The following LRRC49 variants were observed in gnomAD, a reference collection of about 807,000 sequenced individuals.
The protein encoded by LRRC49 is leucine-rich repeat-containing protein 49.
A neutral mutation model predicts 83.3 loss-of-function variants in LRRC49; 50 were observed. That is an observed-to-expected ratio of 0.60 (90% CI 0.48 to 0.76). The LOEUF is 0.76. Ranked by LOEUF, LRRC49 falls within the 30% of genes least tolerant of loss-of-function variation. The probability of loss-of-function intolerance (pLI) is 0.00; values close to 1 mark genes in which losing one functional copy is unlikely to be tolerated. For missense variants in LRRC49, 704 were observed against 809.1 expected (o/e 0.87, Z 1.58); for synonymous variants, 286 against 283.3 (o/e 1.01, Z -0.10).
At chr15:70,962,356 A>C (rs771429912) in intron 8 of LRRC49, among the ~76,000 whole-genome samples, 12 of 152,194 alleles carry the variant, frequency 7.9e-5, no homozygotes, top group Non-Finnish European at 1.6e-4. Flanking sequence ...AAATATTTAT[A>C]GATATATGCA....
At chr15:70,885,679 A>G (rs1403118628) in intron 2 of LRRC49, among the ~76,000 whole-genome samples, 3 of 152,214 alleles carry the variant, frequency 2.0e-5, no homozygotes, top group Non-Finnish European at 4.4e-5. Flanking sequence ...CATACCTAAT[A>G]ACATTGCTAA....
intron 11 of LRRC49, among the ~76,000 whole-genome samples, chr15:71,001,118 C>G (rs746770861): frequency 3.6e-4 from 54 of 152,060 alleles, no homozygotes; most frequent in Non-Finnish European, 7.2e-4. Context: ...CCCATTTTGT[C>G]TTCCTAAAGT....
At chr15:70,959,678 G>A (rs1047613164) in intron 8 of LRRC49, among the ~76,000 whole-genome samples, 1 of 151,858 alleles carries the variant, frequency 6.6e-6, no homozygotes, top group South Asian at 2.1e-4. Context: ...ATATGAAAAG[G>A]CCAGAAAGAA....
At chr15:70,894,696 G>A (rs1261672853) in intron 2 of LRRC49, 1 of 1,044,156 alleles carries the variant, frequency 9.6e-7, no homozygotes, top group Admixed American at 2.7e-5. Flanking sequence ...TATTAAATAG[G>A]CGTCACTGGA....
chr15:70,974,824 AGTTT>A (rs1208848256), intron 9 of LRRC49, among the ~76,000 whole-genome samples: 1 of 152,198 alleles, frequency 6.6e-6, no homozygotes, highest in Non-Finnish European at 1.5e-5. Flanking sequence ...CTACAGAAAA[AGTTT>A]GTTTATGCCT....
intron 7 of LRRC49, among the ~76,000 whole-genome samples, chr15:70,920,437 G>C (rs965367963): frequency 1.3e-5 from 2 of 152,158 alleles, no homozygotes; most frequent in Non-Finnish European, 2.9e-5. Flanking sequence ...GAACTGGACT[G>C]TTTATTTAGA....
chr15:70,879,873 G>A (rs1185271571), intron 2 of LRRC49, among the ~76,000 whole-genome samples: 1 of 152,034 alleles, frequency 6.6e-6, no homozygotes, highest in Non-Finnish European at 1.5e-5. Flanking sequence ...ACTTTTCCAA[G>A]TAAGTTTAAG....
chr15:71,014,400 G>A (rs1288784666), intron 14 of LRRC49, among the ~76,000 whole-genome samples: 4 of 151,844 alleles, frequency 2.6e-5, no homozygotes. Flanking sequence ...CATAGAAAAA[G>A]ATTAGATGGA....
At chr15:70,939,855 T>TTG (rs1304461196) in intron 8 of LRRC49, among the ~76,000 whole-genome samples, 1 of 151,180 alleles carries the variant, frequency 6.6e-6, no homozygotes, top group African/African-American at 2.4e-5. Context: ...AGGTTTTTTT[T>TTG]TTTTTTTTTT....
chr15:71,011,891 A>C (rs1243338853), intron 13 of LRRC49, among the ~76,000 whole-genome samples: 3 of 152,136 alleles, frequency 2.0e-5, no homozygotes, highest in Non-Finnish European at 4.4e-5. Flanking sequence ...AAATTTTCAA[A>C]AGATCCAAAA....
At chr15:70,950,256 C>G (rs975167566) in intron 8 of LRRC49, among the ~76,000 whole-genome samples, 4 of 152,078 alleles carry the variant, frequency 2.6e-5, no homozygotes, top group African/African-American at 9.7e-5. Context: ...GTAAATAGTG[C>G]TGTGATTAAC....
In LRRC49 at chr15:71,012,791, T is replaced by C. The variant is rs1847608071; in HGVS notation, c.1594-13T>C. 1.3e-6 allele frequency: 2 copies of C among 1,522,924 alleles called. No individual in the cohort carries two copies. The highest frequency in any genetic ancestry group is 9.1e-7 in the Non-Finnish European group (1 of 1,103,824). 94.3% of individuals were successfully genotyped at this position (1,522,924 alleles called of 1,614,324 possible). A position where few individuals can be genotyped will look rare whatever the true frequency, so the allele number is the denominator to read the frequency against. ...GTGTCATTTTTTTACCCCTTTCTAT[T>C]GTGTCTCTTCAGGTGACACAGAATG... On this transcript the variant is annotated splice_polypyrimidine_tract_variant and intron_variant, in intron 13 of 15. Transcript: ENST00000260382.
At chr15:71,045,453 C>T (rs1235289724) in intron 15 of LRRC49, among the ~76,000 whole-genome samples, 1 of 152,118 alleles carries the variant, frequency 6.6e-6, no homozygotes, top group Non-Finnish European at 1.5e-5. Context: ...CATTAGTATG[C>T]TTCTGCCTAA....
At chr15:70,866,727 C>T (rs1189886842) in intron 1 of LRRC49, among the ~76,000 whole-genome samples, 1 of 152,110 alleles carries the variant, frequency 6.6e-6, no homozygotes, top group African/African-American at 2.4e-5. Flanking sequence ...CTAAGCAGCA[C>T]TGGACCATAT....
chr15:71,013,759 A>G (rs1290210592), intron 14 of LRRC49, among the ~76,000 whole-genome samples: 1 of 152,168 alleles, frequency 6.6e-6, no homozygotes, highest in Non-Finnish European at 1.5e-5. Context: ...AGCGTTGAGG[A>G]AGCAGTTTCT....
chr15:70,940,408 C>G (rs1192796378), intron 8 of LRRC49, among the ~76,000 whole-genome samples: 5 of 152,148 alleles, frequency 3.3e-5, no homozygotes, highest in African/African-American at 1.2e-4. Context: ...AGGCGCCCGC[C>G]ACCATGCCCG....
chr15:70,862,758 C>A (rs2032823924), intron 1 of LRRC49, among the ~76,000 whole-genome samples: 1 of 152,088 alleles, frequency 6.6e-6, no homozygotes, highest in South Asian at 2.1e-4. Flanking sequence ...TCAGGTTCCT[C>A]CCAACAGGTC....
intron 7 of LRRC49, among the ~76,000 whole-genome samples, chr15:70,932,474 AT>A (rs891114971): frequency 1.3e-5 from 2 of 152,134 alleles, no homozygotes; most frequent in Non-Finnish European, 2.9e-5. Flanking sequence ...ACCCCTATAT[AT>A]TTTTACTCTA....
chr15:70,860,102 G>T, intron 1 of LRRC49: 1 of 716,004 alleles, frequency 1.4e-6, no homozygotes, highest in Admixed American at 2.0e-5. Context: ...TGTGGTTGAA[G>T]AAGATTGAGA....
Sources: gnomAD v4.1 joint callset for allele counts (sites outside exome capture counted in the v4.1 genomes callset) on GRCh38, gnomAD v4.1.1 for gene constraint, MANE v1.5 for transcripts, NCBI Gene and HGNC (gene_info 2026-07-23, HGNC 2026-07-21) for gene names.